MLLT3: variants seen among roughly 807,000 people sequenced by gnomAD.
MLLT3 encodes MLLT3 super elongation complex subunit.
Under a neutral mutation model 53.2 loss-of-function variants are expected in MLLT3, and 4 were observed. The ratio of observed to expected loss-of-function variants is 0.08; its 90% CI spans 0.04 to 0.17. The LOEUF (loss-of-function observed/expected upper bound fraction) is 0.17, where lower values mean the gene tolerates loss of function less well. Ranked by LOEUF, MLLT3 falls within the 10% of genes least tolerant of loss-of-function variation. The probability of loss-of-function intolerance (pLI) is 1.00; values close to 1 mark genes in which losing one functional copy is unlikely to be tolerated. For synonymous variants in MLLT3, 283 were observed against 230.6 expected (o/e 1.23, Z -2.06); for missense variants, 569 against 684.0 (o/e 0.83, Z 1.87).
chr9:20,607,224 TA>T (rs1820593757), intron 2 of MLLT3, among the ~76,000 whole-genome samples: 1 of 152,170 alleles, frequency 6.6e-6, no homozygotes, highest in Non-Finnish European at 1.5e-5. Context: ...TATTTGGTTA[TA>T]ACAAGTTTTA....
At chr9:20,384,949 A>T (rs546992825) in intron 5 of MLLT3, among the ~76,000 whole-genome samples, 1 of 152,074 alleles carries the variant, frequency 6.6e-6, no homozygotes, top group South Asian at 2.1e-4. Context: ...GGTGGTCTAG[A>T]TTATCTGGTC....
chr9:20,470,865 C>T (rs1824372962), intron 2 of MLLT3, among the ~76,000 whole-genome samples: 1 of 151,950 alleles, frequency 6.6e-6, no homozygotes, highest in Non-Finnish European at 1.5e-5. Flanking sequence ...TCTAAATAAA[C>T]ACATATCAAA....
At chr9:20,545,675 G>A (rs1253263261) in intron 2 of MLLT3, among the ~76,000 whole-genome samples, 2 of 151,914 alleles carry the variant, frequency 1.3e-5, no homozygotes, top group East Asian at 3.8e-4. Flanking sequence ...AACCGTATTA[G>A]ATTTAAATCA....
intron 2 of MLLT3, among the ~76,000 whole-genome samples, chr9:20,581,957 G>A (rs1819803848): frequency 6.6e-6 from 1 of 152,064 alleles, no homozygotes; most frequent in Non-Finnish European, 1.5e-5. Context: ...TTCTATATCT[G>A]ATGCTCAATC....
chr9:20,587,327 G>C (rs1214826005), intron 2 of MLLT3, among the ~76,000 whole-genome samples: 1 of 151,470 alleles, frequency 6.6e-6, no homozygotes, highest in African/African-American at 2.4e-5. Flanking sequence ...ACTATTCTAT[G>C]AATTAGGTAG....
intron 4 of MLLT3, among the ~76,000 whole-genome samples, chr9:20,446,362 G>A (rs954318934): frequency 7.9e-5 from 12 of 152,148 alleles, no homozygotes; most frequent in African/African-American, 2.7e-4. Context: ...TGAGATAAAG[G>A]CTGAGTAGAG....
intron 2 of MLLT3, among the ~76,000 whole-genome samples, chr9:20,587,480 G>A (rs1391108875): frequency 6.6e-6 from 1 of 151,972 alleles, no homozygotes; most frequent in African/African-American, 2.4e-5. Flanking sequence ...AGACAAGAGA[G>A]GGGCCCCCTA....
intron 5 of MLLT3, among the ~76,000 whole-genome samples, chr9:20,403,166 A>T (rs1822498727): frequency 6.6e-6 from 1 of 152,046 alleles, no homozygotes; most frequent in Admixed American, 6.5e-5. Context: ...AAGTTATTAA[A>T]CTTGGCTTCC....
rs775079696 is a variant in MLLT3 at position 20,414,210 on chromosome 9, T to C, written c.636A>G (p.Arg212=). The C allele has an allele frequency of 8.7e-6, 14 of 1,614,126 alleles. No homozygotes were observed. The highest frequency in any genetic ancestry group is 1.2e-5 in the Non-Finnish European group (14 of 1,180,044). Residue 212 remains arginine, a synonymous_variant, in exon 5 of 11, where the codon AGA becomes AGG. Coordinates refer to ENST00000380338, the MANE Select transcript of MLLT3 (RefSeq NM_004529.4). ...EHKEKPSKDS[R]EHKSAFKEPS... is the part of the protein sequence containing the mutation. Reference sequence around the variant, plus strand: ...GTTCTTTGAAGGCACTTTTATGTTCTCTGGAGTCTTTAGAAGGTTTTTCCT... The same window carrying C: ...GTTCTTTGAAGGCACTTTTATGTTCCCTGGAGTCTTTAGAAGGTTTTTCCT...
chr9:20,453,237 C>T (rs1417283533), intron 3 of MLLT3, among the ~76,000 whole-genome samples: 1 of 152,120 alleles, frequency 6.6e-6, no homozygotes, highest in Non-Finnish European at 1.5e-5. Flanking sequence ...AAACAGATAA[C>T]ACTTCCAGAG....
chr9:20,509,510 A>G (rs779625363), intron 2 of MLLT3, among the ~76,000 whole-genome samples: 18 of 152,144 alleles, frequency 1.2e-4, no homozygotes, highest in Non-Finnish European at 2.6e-4. Flanking sequence ...GAATTTGTTG[A>G]AGATGTGTTT....
chr9:20,421,309 G>C (rs1186216250), intron 4 of MLLT3, among the ~76,000 whole-genome samples: 1 of 151,742 alleles, frequency 6.6e-6, no homozygotes, highest in Admixed American at 6.6e-5. Context: ...TAAATCAAAA[G>C]AAAACAATGA....
intron 5 of MLLT3, among the ~76,000 whole-genome samples, chr9:20,413,016 A>G (rs1246421300): frequency 6.6e-6 from 1 of 152,210 alleles, no homozygotes; most frequent in African/African-American, 2.4e-5. Context: ...TTAGGCATCC[A>G]CAAAGGATAA....
chr9:20,407,879 A>G (rs1346672580), intron 5 of MLLT3, among the ~76,000 whole-genome samples: 5 of 152,210 alleles, frequency 3.3e-5, no homozygotes, highest in African/African-American at 1.2e-4. Context: ...AGCTATGGCT[A>G]TAAGGCATCT....
intron 10 of MLLT3, among the ~76,000 whole-genome samples, chr9:20,349,409 C>T (rs1485036188): frequency 6.6e-6 from 1 of 152,062 alleles, no homozygotes; most frequent in Non-Finnish European, 1.5e-5. Flanking sequence ...GACTAAACTG[C>T]ACATGAATTA....
At chr9:20,477,065 G>T (rs1824539125) in intron 2 of MLLT3, among the ~76,000 whole-genome samples, 1 of 152,110 alleles carries the variant, frequency 6.6e-6, no homozygotes, top group Non-Finnish European at 1.5e-5. Context: ...CAGGGATACG[G>T]ACTTTTGTCT....
intron 4 of MLLT3, chr9:20,415,509 T>A (rs1256281650): frequency 3.7e-5 from 30 of 815,178 alleles, no homozygotes; most frequent in East Asian, 1.2e-4. Context: ...AAAATCCACA[T>A]CAATACTAAA....
chr9:20,537,732 T>C (rs930171796), intron 2 of MLLT3, among the ~76,000 whole-genome samples: 2 of 152,184 alleles, frequency 1.3e-5, no homozygotes, highest in African/African-American at 4.8e-5. Context: ...AGCACTACCA[T>C]TAAATTTATA....
intron 2 of MLLT3, among the ~76,000 whole-genome samples, chr9:20,599,859 G>C (rs987297841): frequency 6.6e-6 from 1 of 152,142 alleles, no homozygotes; most frequent in African/African-American, 2.4e-5. Flanking sequence ...TTCAGTCTTG[G>C]ATGCCACGTC....
Sources: gnomAD v4.1 joint callset for allele counts (sites outside exome capture counted in the v4.1 genomes callset) on GRCh38, gnomAD v4.1.1 for gene constraint, MANE v1.5 for transcripts, NCBI Gene and HGNC (gene_info 2026-07-23, HGNC 2026-07-21) for gene names.